The following LRMDA variants were observed in gnomAD, a reference collection of about 807,000 sequenced individuals.
The protein encoded by LRMDA is leucine-rich melanocyte differentiation-associated protein.
Under a neutral mutation model 29.8 loss-of-function variants are expected in LRMDA, and 18 were observed. The observed-to-expected ratio is 0.60, with a 90% confidence interval of 0.42 to 0.90. LRMDA has a LOEUF of 0.90. Ranked by LOEUF, LRMDA falls within the 40% of genes least tolerant of loss-of-function variation. The pLI is 0.00. For missense variants in LRMDA, 273 were observed against 273.9 expected, an observed-to-expected ratio of 1.00 and a Z score of 0.02; for synonymous variants, 125 against 109.4, an observed-to-expected ratio of 1.14 and a Z score of -0.89.
chr10:76,402,573 C>T (rs1326653161), intron 6 of LRMDA, among the ~76,000 whole-genome samples: 2 of 151,992 alleles, frequency 1.3e-5, no homozygotes, highest in African/African-American at 4.8e-5. Flanking sequence ...TGGCTGGTCT[C>T]CAACTTCTGG....
chr10:76,081,615 C>T (rs1197374210), intron 5 of LRMDA, among the ~76,000 whole-genome samples: 1 of 152,010 alleles, frequency 6.6e-6, no homozygotes, highest in Non-Finnish European at 1.5e-5. Flanking sequence ...CTACTAATTG[C>T]CTAAGATGAG....
intron 5 of LRMDA, among the ~76,000 whole-genome samples, chr10:76,107,924 T>C (rs1184873871): frequency 6.6e-6 from 1 of 152,200 alleles, no homozygotes; most frequent in African/African-American, 2.4e-5. Context: ...TTCCTGCTGG[T>C]ACCATGTCCT....
chr10:75,635,091 G>A (rs1316247968), intron 2 of LRMDA, among the ~76,000 whole-genome samples: 1 of 152,110 alleles, frequency 6.6e-6, no homozygotes, highest in Non-Finnish European at 1.5e-5. Context: ...TTTGCTCTGG[G>A]TGCCTAGGAA....
intron 6 of LRMDA, among the ~76,000 whole-genome samples, chr10:76,503,671 A>G (rs968665566): frequency 4.6e-5 from 7 of 151,446 alleles, no homozygotes; most frequent in African/African-American, 1.7e-4. Context: ...ATCAATTGTA[A>G]TGTCATCTTT....
chr10:76,057,671 G>T (rs1848638803), intron 4 of LRMDA, among the ~76,000 whole-genome samples: 1 of 152,174 alleles, frequency 6.6e-6, no homozygotes. Flanking sequence ...AGGAGGCTGG[G>T]TATAGGAAGG....
intron 5 of LRMDA, among the ~76,000 whole-genome samples, chr10:76,072,946 C>G (rs187081178): frequency 8.4e-4 from 128 of 152,344 alleles, no homozygotes; most frequent in African/African-American, 2.9e-3. Context: ...TGCATAGGAA[C>G]AGCTGGTGTT....
At chr10:76,219,160 A>G (rs1851781792) in intron 5 of LRMDA, among the ~76,000 whole-genome samples, 1 of 152,232 alleles carries the variant, frequency 6.6e-6, no homozygotes, top group South Asian at 2.1e-4. Flanking sequence ...CGGCAAAATC[A>G]TGCCAAATTG....
At chr10:76,430,605 A>C (rs1444741579) in intron 6 of LRMDA, among the ~76,000 whole-genome samples, 1 of 152,190 alleles carries the variant, frequency 6.6e-6, no homozygotes, top group Non-Finnish European at 1.5e-5. Flanking sequence ...CTGGAGCTCT[A>C]CTGTTTCCTC....
intron 6 of LRMDA, among the ~76,000 whole-genome samples, chr10:76,352,250 G>C (rs1484164762): frequency 6.6e-6 from 1 of 152,058 alleles, no homozygotes. Context: ...TTTTTTGTGT[G>C]TACATTTATA....
At chr10:75,868,936 C>T (rs975287765) in intron 2 of LRMDA, among the ~76,000 whole-genome samples, 3 of 152,148 alleles carry the variant, frequency 2.0e-5, no homozygotes, top group African/African-American at 7.2e-5. Flanking sequence ...TCCTGTCCTC[C>T]CAAAGATGTA....
At chr10:76,291,137 G>A (rs1840335509) in intron 5 of LRMDA, among the ~76,000 whole-genome samples, 1 of 152,122 alleles carries the variant, frequency 6.6e-6, no homozygotes, top group Non-Finnish European at 1.5e-5. Context: ...ACTGCAAAAT[G>A]AATCTGAAGT....
chr10:76,552,245 G>T (rs1353411630), intron 6 of LRMDA, among the ~76,000 whole-genome samples: 1 of 152,188 alleles, frequency 6.6e-6, no homozygotes, highest in Non-Finnish European at 1.5e-5. Context: ...TTGATGGCTG[G>T]GCTTTAGTTC....
intron 6 of LRMDA, among the ~76,000 whole-genome samples, chr10:76,365,069 T>TACACACAC (rs1343341956): frequency 0.012 from 663 of 53,730 alleles, 6 homozygotes; most frequent in Middle Eastern, 0.036. Context: ...ATCGTATATA[T>TACACACAC]ATACACACAC....
chr10:76,320,970 T>C (rs1351349955), intron 5 of LRMDA, among the ~76,000 whole-genome samples: 1 of 152,222 alleles, frequency 6.6e-6, no homozygotes, highest in Admixed American at 6.5e-5. Context: ...GCATTTTCAC[T>C]CTGTATTAAA....
At chr10:76,390,355 G>T (rs1426015461) in intron 6 of LRMDA, among the ~76,000 whole-genome samples, 2 of 152,134 alleles carry the variant, frequency 1.3e-5, no homozygotes, top group Non-Finnish European at 2.9e-5. Flanking sequence ...GGTAGAAGGA[G>T]GGTCAGAATG....
intron 5 of LRMDA, among the ~76,000 whole-genome samples, chr10:76,220,381 A>C (rs185778990): frequency 0.017 from 2,545 of 152,306 alleles, 35 homozygotes; most frequent in South Asian, 0.079. Flanking sequence ...AGCAAGACTA[A>C]TAAAGAAGAA....
intron 2 of LRMDA, among the ~76,000 whole-genome samples, chr10:76,005,705 C>T (rs189588244): frequency 1.3e-5 from 2 of 152,206 alleles, no homozygotes; most frequent in Admixed American, 6.5e-5. Context: ...CCAAGGCAGG[C>T]AGATTACGAG....
intron 5 of LRMDA, among the ~76,000 whole-genome samples, chr10:76,076,873 A>G (rs558121432): frequency 3.9e-5 from 6 of 152,322 alleles, no homozygotes; most frequent in African/African-American, 1.4e-4. Context: ...TAGAAAGAAC[A>G]TGGTTAACCT....
rs74415677 is a variant in LRMDA, at chr10:76,488,337, G to C, written c.602-68872G>C. Among the ~76,000 whole-genome samples the C allele has an allele frequency of 9.9e-4, 150 of 151,732 alleles. 3 individuals carry two copies. The East Asian group carries it at 0.028, about 28-fold the overall frequency. ...CTTTGAAATTCCTTACTCCTTCCCT[G>C]TCTGCCTCTGCCTCTGAGAAATCAC... On this transcript the variant is annotated intron_variant, in intron 6 of 6. Coordinates refer to ENST00000611255, the MANE Select transcript of LRMDA (RefSeq NM_001305581.2).
Sources: gnomAD v4.1 joint callset for allele counts (sites outside exome capture counted in the v4.1 genomes callset) on GRCh38, gnomAD v4.1.1 for gene constraint, MANE v1.5 for transcripts, NCBI Gene and HGNC (gene_info 2026-07-23, HGNC 2026-07-21) for gene names.